The following DCLK2 variants were observed in gnomAD, a reference collection of about 807,000 sequenced individuals.
The protein encoded by DCLK2 is serine/threonine-protein kinase DCLK2.
A neutral mutation model predicts 78.4 loss-of-function variants in DCLK2; 31 were observed. The ratio of observed to expected loss-of-function variants is 0.40; its 90% CI spans 0.30 to 0.53. The LOEUF is 0.53. Ranked by LOEUF, DCLK2 falls within the 20% of genes least tolerant of loss-of-function variation. DCLK2 has a pLI of 0.61. For synonymous variants in DCLK2, 407 were observed against 374.9 expected, an observed-to-expected ratio of 1.09 and a Z score of -0.99; for missense variants, 872 against 973.7, an observed-to-expected ratio of 0.90 and a Z score of 1.39.
At chr4:150,183,651 A>G (rs1222088830) in intron 2 of DCLK2, among the ~76,000 whole-genome samples, 1 of 152,200 alleles carries the variant, frequency 6.6e-6, no homozygotes, top group African/African-American at 2.4e-5. Context: ...ATAGGAATCC[A>G]TAGAGTATGA....
intron 5 of DCLK2, among the ~76,000 whole-genome samples, chr4:150,205,318 C>T (rs1739771561): frequency 6.6e-6 from 1 of 152,128 alleles, no homozygotes; most frequent in Admixed American, 6.6e-5. Flanking sequence ...GTTGTATGTC[C>T]TTCAGAGTAG....
intron 6 of DCLK2, among the ~76,000 whole-genome samples, 197 bp downstream of exon 6, chr4:150,220,975 C>G (rs1177546104): frequency 6.6e-6 from 1 of 152,202 alleles, no homozygotes; most frequent in Non-Finnish European, 1.5e-5. Context: ...TTGTCATTAA[C>G]TAGGTTATTG....
chr4:150,117,569 G>A (rs1732191413), intron 2 of DCLK2, among the ~76,000 whole-genome samples: 1 of 152,174 alleles, frequency 6.6e-6, no homozygotes, highest in South Asian at 2.1e-4. Flanking sequence ...TGTGATTGCT[G>A]TCTGAGTTAG....
intron 1 of DCLK2, among the ~76,000 whole-genome samples, chr4:150,083,065 G>A (rs74450852): frequency 2.6e-5 from 4 of 152,098 alleles, no homozygotes; most frequent in Non-Finnish European, 5.9e-5. Context: ...GTCTCTTCTG[G>A]TTTAAAAATG....
At chr4:150,123,251 A>G (rs1191386639) in intron 2 of DCLK2, among the ~76,000 whole-genome samples, 2 of 152,256 alleles carry the variant, frequency 1.3e-5, no homozygotes, top group African/African-American at 2.4e-5. Flanking sequence ...TTCTGATTTA[A>G]AGTGAGAGAT....
At chr4:150,102,964 T>C in intron 2 of DCLK2, 152 bp downstream of exon 2, 1 of 719,832 alleles carries the variant, frequency 1.4e-6, no homozygotes, top group South Asian at 2.3e-5. Flanking sequence ...TGTGTGTGTG[T>C]GTGTATGTAT....
At chr4:150,176,234 C>T (rs1171725978) in intron 2 of DCLK2, among the ~76,000 whole-genome samples, 1 of 152,156 alleles carries the variant, frequency 6.6e-6, no homozygotes, top group Non-Finnish European at 1.5e-5. Flanking sequence ...ACTATGAGCC[C>T]TGAGCCTGGA....
chr4:150,238,416 C>G (rs1009299581), intron 10 of DCLK2, among the ~76,000 whole-genome samples: 3 of 152,122 alleles, frequency 2.0e-5, no homozygotes, highest in African/African-American at 7.2e-5. Context: ...TTGGGTCCAT[C>G]TCTATTCCCC....
At chr4:150,126,815 G>A (rs4274825) in intron 2 of DCLK2, among the ~76,000 whole-genome samples, 35,656 of 152,070 alleles carry the variant, frequency 0.23, 4,562 homozygotes, top group African/African-American at 0.34. Context: ...TTTGCCAGTT[G>A]TCTCATAAAT....
intron 2 of DCLK2, among the ~76,000 whole-genome samples, chr4:150,183,377 ACAAGTAGTTTTTCT>A (rs1480023709): frequency 6.6e-6 from 1 of 152,240 alleles, no homozygotes; most frequent in Non-Finnish European, 1.5e-5. Flanking sequence ...AGCAGATTTC[ACAAGTAGTTTTTCT>A]CAAATCATCC....
rs554389935 is a variant in DCLK2, at chr4:150,094,524, G to A, written c.422-7954G>A. On this transcript the variant is annotated intron_variant, in intron 1 of 15. Transcript: ENST00000296550. ...GTGTCTTCATCTCCTGCTAGTGCCCGTAGATGCCTTCAGTTGACTTTTGAT... is the reference window on the plus strand; with the variant it reads ...GTGTCTTCATCTCCTGCTAGTGCCCATAGATGCCTTCAGTTGACTTTTGAT... Among the ~76,000 whole-genome samples, 6 of 152,260 alleles carry A rather than the reference G, an allele frequency of 3.9e-5. No individual in the cohort carries two copies. The South Asian group carries it at 6.2e-4, about 16-fold the overall frequency.
At chr4:150,084,940 C>G (rs1006099988) in intron 1 of DCLK2, among the ~76,000 whole-genome samples, 1 of 152,168 alleles carries the variant, frequency 6.6e-6, no homozygotes, top group Non-Finnish European at 1.5e-5. Context: ...AGATGCTTTT[C>G]TTCTCTGCAT....
chr4:150,256,332 C>G lies in DCLK2; in HGVS notation c.*85C>G, dbSNP rs1340098806. On this transcript the variant is annotated 3_prime_UTR_variant, in exon 16 of 16. Transcript: ENST00000296550. ...CCTCGCCGGCCTCCCTGCTGCAGGC[C>G]TCCCTCTCTTCACCGCCTGCGCCTG... 1.4e-6 allele frequency: 2 copies of G among 1,432,754 alleles called. No homozygotes were observed. Among genetic ancestry groups the G allele is most frequent in the Non-Finnish European group, 1.8e-6 (2 of 1,095,726 alleles). The allele number at this position is 1,432,754 out of a possible 1,614,324, so 88.8% of individuals were successfully genotyped here. A position where few individuals can be genotyped will look rare whatever the true frequency, so the allele number is the denominator to read the frequency against.
chr4:150,166,364 T>C (rs912494257), intron 2 of DCLK2, among the ~76,000 whole-genome samples: 1 of 151,892 alleles, frequency 6.6e-6, no homozygotes, highest in African/African-American at 2.4e-5. Flanking sequence ...TGTGGTGGCA[T>C]GCACCTGTGG....
At chr4:150,242,484 T>G (rs1004042886) in intron 12 of DCLK2, among the ~76,000 whole-genome samples, 1 of 152,156 alleles carries the variant, frequency 6.6e-6, no homozygotes. Flanking sequence ...ACCCCTGAAG[T>G]TAGGAGTGTG....
At chr4:150,088,491 A>G (rs1346113669) in intron 1 of DCLK2, among the ~76,000 whole-genome samples, 2 of 146,576 alleles carry the variant, frequency 1.4e-5, no homozygotes, top group East Asian at 4.0e-4. Context: ...TTTACATTTT[A>G]TAACTAGAGA....
intron 2 of DCLK2, among the ~76,000 whole-genome samples, chr4:150,190,251 A>T (rs376186596): frequency 2.8e-4 from 24 of 85,238 alleles, no homozygotes; most frequent in Admixed American, 8.0e-4. Flanking sequence ...AGATAGATAG[A>T]TAGATAGATA....
Position 150,224,579 on chromosome 4 carries a change from A to C in DCLK2, c.1299+21A>C, listed in dbSNP as rs111407757. On this transcript the variant is annotated intron_variant, in intron 8 of 15. Transcript: ENST00000296550. ...GAAAGGTATAGTATGCATAACCCCT[A>C]GTTCTGAAAGAAACTAGAGTAACTT... The C allele has an allele frequency of 7.4e-5, 118 of 1,590,344 alleles. No homozygotes were observed. The African/African-American group carries it at 9.6e-4, about 13-fold the overall frequency.
At position 150,078,502 on chromosome 4, in the gene DCLK2, G is replaced by A. The variant is rs566772089; in HGVS notation, c.-526G>A. On this transcript the variant is annotated 5_prime_UTR_variant, in exon 1 of 16. Coordinates refer to ENST00000296550, the MANE Select transcript of DCLK2 (RefSeq NM_001040260.4). The stretch of plus-strand genomic sequence containing the variant: ...GCTGCCCGGCGGGCGGGATCCGGGC[G>A]CGGCCGAGGCGGCGGCGCTGCACCC... 2.0e-5 allele frequency: 3 copies of A among 151,068 alleles called. No individual in the cohort carries two copies. Among genetic ancestry groups the A allele is most frequent in the South Asian group, 2.1e-4 (1 of 4,832 alleles). 9.4% of individuals were successfully genotyped at this position (151,068 alleles called of 1,614,324 possible). A position where few individuals can be genotyped will look rare whatever the true frequency, so the allele number is the denominator to read the frequency against.
Sources: allele counts gnomAD v4.1 joint callset (sites outside exome capture counted in the v4.1 genomes callset), GRCh38; gene constraint gnomAD v4.1.1; transcripts MANE v1.5; gene names NCBI Gene and HGNC (gene_info 2026-07-23, HGNC 2026-07-21).